DLD: variants seen among roughly 807,000 people sequenced by gnomAD.
DLD encodes dihydrolipoamide dehydrogenase.
In DLD, 36 loss-of-function variants were observed where a neutral mutation model predicts 62.2. The ratio of observed to expected loss-of-function variants is 0.58; its 90% CI spans 0.44 to 0.76. The LOEUF (loss-of-function observed/expected upper bound fraction) is 0.76, where lower values mean the gene tolerates loss of function less well. DLD is among the 30% of genes least tolerant of loss of function. DLD has a pLI of 0.00. For missense variants in DLD, 541 were observed against 608.6 expected (o/e 0.89, Z 1.17); for synonymous variants, 204 against 199.6 (o/e 1.02, Z -0.19).
At chr7:107,895,913 C>G (rs2031710844) in intron 2 of DLD, among the ~76,000 whole-genome samples, 1 of 152,142 alleles carries the variant, frequency 6.6e-6, no homozygotes, top group Non-Finnish European at 1.5e-5. Context: ...ACACACCCCT[C>G]CAAGAGCCTA....
chr7:107,919,074 T>C lies in DLD; in HGVS notation c.1439T>C (p.Ile480Thr), dbSNP rs140260331. 1.8e-5 allele frequency: 29 copies of C among 1,613,818 alleles called. No individual in the cohort carries two copies. The highest frequency in any genetic ancestry group is 2.4e-5 in the Non-Finnish European group (28 of 1,179,832). The stretch of plus-strand genomic sequence containing the variant: ...GAATATGGAGCATCCTGTGAAGATA[T>C]AGCTAGAGTCTGTCATGCACATCCG... ...ALEYGASCEDIARVCHAHPTL... is the reference protein window; with the variant it reads ...ALEYGASCEDTARVCHAHPTL... Residue 480 changes from isoleucine (I) to threonine (T), a missense_variant, in exon 13 of 14, where the codon ATA (isoleucine) becomes ACA (threonine). Transcript: ENST00000205402.
At chr7:107,916,470 C>G (rs1478236321) in intron 9 of DLD, among the ~76,000 whole-genome samples, 1 of 152,086 alleles carries the variant, frequency 6.6e-6, no homozygotes, top group Non-Finnish European at 1.5e-5. Context: ...GTCAAGAGAT[C>G]AAGACCAGCC....
In DLD at chr7:107,898,270, C is replaced by CTTT. The variant is rs67913323; in HGVS notation, c.119-3446_119-3444dup. Among the ~76,000 whole-genome samples, 85 of 65,554 alleles carry CTTT rather than the reference C, an allele frequency of 1.3e-3. 1 individual carries two copies. Among genetic ancestry groups the CTTT allele is most frequent in the African/African-American group, 4.7e-3 (73 of 15,460 alleles). The allele number at this position is 65,554 out of a possible 152,430, so 43.0% of individuals were successfully genotyped here. On this transcript the variant is annotated intron_variant, in intron 2 of 13. Coordinates refer to ENST00000205402, the MANE Select transcript of DLD (RefSeq NM_000108.5). ...TTTCATTTAACTACTTTTCTGTATC[C>CTTT]TTTTTTTTTTTTTTTTTTTTTTTTG...
At chr7:107,915,390 C>T in intron 8 of DLD, 116 bp from the exon 9 acceptor site, 1 of 1,102,296 alleles carries the variant, frequency 9.1e-7, no homozygotes, top group East Asian at 2.5e-5. Flanking sequence ...CGGAGCTTCT[C>T]ATAGGAACAT....
rs758188544 is a variant in DLD, at chr7:107,919,038, C to G, written c.1403C>G (p.Ala468Gly). The change falls in exon 13 of 14, where the codon GCT becomes GGT. Residue 468 changes from alanine to glycine, a missense_variant. Physicochemically the swap from Ala to Gly is moderately conservative, Grantham distance 60. Transcript: ENST00000205402. ...PGAGEMVNEA[A>G]LALEYGASCE... is the part of the protein sequence containing the mutation. Reference sequence around the variant, plus strand: ...GCTGGAGAAATGGTAAATGAAGCTGCTCTTGCTTTGGAATATGGAGCATCC... The same window carrying G: ...GCTGGAGAAATGGTAAATGAAGCTGGTCTTGCTTTGGAATATGGAGCATCC... The G allele has an allele frequency of 6.2e-7, 1 of 1,613,974 alleles. No individual in the cohort carries two copies.
chr7:107,909,735 CCTGT>C (rs2032093630), intron 8 of DLD, among the ~76,000 whole-genome samples: 1 of 151,926 alleles, frequency 6.6e-6, no homozygotes, highest in Non-Finnish European at 1.5e-5. Context: ...GGCATATTTG[CCTGT>C]CTGCCACCTT....
intron 2 of DLD, among the ~76,000 whole-genome samples, chr7:107,897,969 A>G (rs1347436090): frequency 6.6e-6 from 1 of 152,176 alleles, no homozygotes; most frequent in African/African-American, 2.4e-5. Context: ...TATTTTCCTT[A>G]TAATGATCTA....
intron 2 of DLD, among the ~76,000 whole-genome samples, chr7:107,897,089 C>T (rs1192360751): frequency 6.6e-6 from 1 of 152,160 alleles, no homozygotes; most frequent in Non-Finnish European, 1.5e-5. Context: ...CCCACCTCGG[C>T]CTCCCAAAGT....
At chr7:107,909,720 A>C (rs1252796736) in intron 8 of DLD, among the ~76,000 whole-genome samples, 1 of 152,018 alleles carries the variant, frequency 6.6e-6, no homozygotes, top group Non-Finnish European at 1.5e-5. Flanking sequence ...ATTTTTGAAA[A>C]TTTAGGCATA....
chr7:107,893,434 G>C, intron 2 of DLD, 156 bp downstream of exon 2: 1 of 598,428 alleles, frequency 1.7e-6, no homozygotes, highest in East Asian at 3.0e-5. Context: ...TTGAGCTAGT[G>C]TGTTCCAGGC....
Position 107,906,356 on chromosome 7 carries a change from A to G in DLD, c.672A>G (p.Ile224Met). The G allele has an allele frequency of 6.2e-7, 1 of 1,607,642 alleles. No homozygotes were observed. The highest frequency in any genetic ancestry group is 8.5e-7 in the Non-Finnish European group (1 of 1,174,224). Residue 224 changes from isoleucine (I) to methionine (M), a missense_variant, in exon 8 of 14, where the codon ATA (isoleucine) becomes ATG (methionine). By Grantham distance (10) the Ile-to-Met change is conservative (BLOSUM62 1). Coordinates refer to ENST00000205402, the MANE Select transcript of DLD (RefSeq NM_000108.5). ...EKMVVIGAGV[I>M]GVELGSVWQR... ...TGGTTGTTATTGGTGCAGGAGTAAT[A>G]GGTGTAGAATTGGTAAGTGTTGTCT...
chr7:107,897,518 GCTCACTAACTGGCACATTTTAA>G (rs1167205617), intron 2 of DLD, among the ~76,000 whole-genome samples: 2 of 151,408 alleles, frequency 1.3e-5, no homozygotes, highest in Non-Finnish European at 2.9e-5. Flanking sequence ...CACGTGACTG[GCTCACTAACTGGCACATTTTAA>G]GCTACCCAAG....
chr7:107,891,580 C>T (rs2031576421), intron 1 of DLD: 2 of 574,460 alleles, frequency 3.5e-6, no homozygotes, highest in East Asian at 3.0e-5. Context: ...GAGGGCCATC[C>T]CGGTCACACA....
intron 9 of DLD, 99 bp from the exon 10 acceptor site, chr7:107,916,695 A>C: frequency 7.9e-7 from 1 of 1,263,382 alleles, no homozygotes; most frequent in Non-Finnish European, 1.2e-6. Flanking sequence ...ACAAAAATGA[A>C]AATGTCATCA....
rs1438603590 is a variant in DLD, at chr7:107,917,985, C to G, written c.1298C>G (p.Ala433Gly). The G allele has an allele frequency of 4.3e-6, 7 of 1,614,048 alleles. No individual in the cohort carries two copies. In the East Asian group the frequency reaches 1.3e-4, roughly 31 times the overall value. Residue 433 changes from alanine (A) to glycine (G), a missense_variant, in exon 12 of 14, where the codon GCT becomes GGT. Coordinates refer to ENST00000205402, the MANE Select transcript of DLD (RefSeq NM_000108.5). ...FAANSRAKTN[A>G]DTDGMVKILG... ...GCTAACAGCAGAGCTAAGACAAATG[C>G]TGACACAGATGGCATGGTGAAGATC... is the stretch of plus-strand genomic sequence containing the variant.
In DLD at chr7:107,915,380, C is replaced by T. The variant is rs1009797064; in HGVS notation, c.685-126C>T. On this transcript the variant is annotated intron_variant, in intron 8 of 13. Transcript: ENST00000205402. The stretch of plus-strand genomic sequence containing the variant: ...TTAACACAGGGTCAATTTTAAACCT[C>T]GGAGCTTCTCATAGGAACATACTAG... 1.8e-5 allele frequency: 17 copies of T among 968,180 alleles called. No homozygotes were observed. In the Admixed American group the frequency reaches 1.8e-4, roughly 10 times the overall value. 60.0% of individuals were successfully genotyped at this position (968,180 alleles called of 1,614,324 possible).
rs535896710 is a variant in DLD, at chr7:107,901,984, C to T, written c.198+167C>T. Among the ~76,000 whole-genome samples the T allele has an allele frequency of 2.6e-5, 4 of 152,270 alleles. No individual in the cohort carries two copies. The South Asian group carries it at 8.3e-4, about 32-fold the overall frequency. Reference sequence around the variant, plus strand: ...ATTAGGTTCATTTGGTTGTAGTATTCTCTTGGAATGGAAAGTGAAATCTAT... The same window carrying T: ...ATTAGGTTCATTTGGTTGTAGTATTTTCTTGGAATGGAAAGTGAAATCTAT... On this transcript the variant is annotated intron_variant, in intron 3 of 13. Coordinates refer to ENST00000205402, the MANE Select transcript of DLD (RefSeq NM_000108.5).
chr7:107,893,437 T>C, intron 2 of DLD, 159 bp downstream of exon 2: 1 of 536,402 alleles, frequency 1.9e-6, no homozygotes, highest in Non-Finnish European at 3.1e-6. Flanking sequence ...AGCTAGTGTG[T>C]TCCAGGCGGT....
At position 107,920,644 on chromosome 7, in the gene DLD, G is replaced by C. The variant is rs889408654; in HGVS notation, c.*1385G>C. On this transcript the variant is annotated 3_prime_UTR_variant, in exon 14 of 14. Transcript: ENST00000205402. ...GGGCAGAAGGAAGTCTGCCCCTTCT[G>C]TGCCTCCTGTTTTTTGGGGGTTTCC... 2 of 152,222 alleles carry C rather than the reference G, an allele frequency of 1.3e-5. No homozygotes were observed. Among genetic ancestry groups the C allele is most frequent in the Non-Finnish European group, 2.9e-5 (2 of 68,048 alleles). The allele number at this position is 152,222 out of a possible 1,614,324, so 9.4% of individuals were successfully genotyped here. A position where few individuals can be genotyped will look rare whatever the true frequency, so the allele number is the denominator to read the frequency against.
Sources: gnomAD v4.1 joint callset for allele counts (sites outside exome capture counted in the v4.1 genomes callset) on GRCh38, gnomAD v4.1.1 for gene constraint, MANE v1.5 for transcripts, NCBI Gene and HGNC (gene_info 2026-07-23, HGNC 2026-07-21) for gene names.